Variants in FGGY observed in about 807,000 individuals in gnomAD.
FGGY encodes the protein FGGY carbohydrate kinase domain containing.
A neutral mutation model predicts 71.3 loss-of-function variants in FGGY; 72 were observed. That is an observed-to-expected ratio of 1.01 (90% CI 0.84 to 1.23). The LOEUF is 1.23. Among genes scored for constraint, FGGY ranks in the 50% most tolerant of loss-of-function variants. The pLI is 0.00. For synonymous variants in FGGY, 251 were observed against 250.3 expected, an observed-to-expected ratio of 1.00 and a Z score of -0.02; for missense variants, 668 against 682.3, an observed-to-expected ratio of 0.98 and a Z score of 0.23.
At chr1:59,510,625 TA>T (rs1407070606) in intron 6 of FGGY, among the ~76,000 whole-genome samples, 2 of 152,256 alleles carry the variant, frequency 1.3e-5, no homozygotes, top group African/African-American at 4.8e-5. Context: ...TATGTAATCT[TA>T]AATTTTTTAG....
chr1:59,460,578 G>A (rs113333098), intron 6 of FGGY, among the ~76,000 whole-genome samples: 15 of 152,310 alleles, frequency 9.8e-5, no homozygotes, highest in African/African-American at 3.6e-4. Flanking sequence ...TTTGAGCTCT[G>A]AGAACTGGAC....
intron 8 of FGGY, among the ~76,000 whole-genome samples, chr1:59,567,515 A>T (rs565340009): frequency 7.6e-4 from 115 of 152,220 alleles, no homozygotes; most frequent in African/African-American, 2.7e-3. Flanking sequence ...GTACTATTTG[A>T]CATACAGCAG....
intron 14 of FGGY, among the ~76,000 whole-genome samples, chr1:59,685,294 T>G (rs1348964287): frequency 6.6e-6 from 1 of 151,864 alleles, no homozygotes; most frequent in Non-Finnish European, 1.5e-5. Flanking sequence ...CTTTGACAGG[T>G]GGGGCAGGTA....
At chr1:59,375,065 T>A (rs1464788591) in intron 4 of FGGY, among the ~76,000 whole-genome samples, 2 of 140,978 alleles carry the variant, frequency 1.4e-5, no homozygotes, top group Non-Finnish European at 3.0e-5. Context: ...TAAAGTATAA[T>A]AATAATAAAA....
Position 59,714,453 on chromosome 1 carries a change from C to A in FGGY, c.1512+40320C>A, listed in dbSNP as rs181899287. Among the ~76,000 whole-genome samples, 116 of 152,246 alleles carry A rather than the reference C, an allele frequency of 7.6e-4. No individual in the cohort carries two copies. In the East Asian group the frequency reaches 0.019, roughly 25 times the overall value. On this transcript the variant is annotated intron_variant, in intron 14 of 15. Coordinates refer to ENST00000303721, the MANE Select transcript of FGGY (RefSeq NM_018291.5). ...AGTTGAAGGCCAAGCTAGTTTCTTT[C>A]CTTTGATGAGGGAAAATATGTCAAC... is the stretch of plus-strand genomic sequence containing the variant.
intron 1 of FGGY, among the ~76,000 whole-genome samples, chr1:59,315,020 G>T (rs835399): frequency 0.4 from 61,512 of 151,930 alleles, 12,961 homozygotes; most frequent in African/African-American, 0.51. Flanking sequence ...GGGTTCCACA[G>T]GTGAACTTCT....
At chr1:59,331,151 C>T (rs967037473) in intron 2 of FGGY, among the ~76,000 whole-genome samples, 40 of 152,030 alleles carry the variant, frequency 2.6e-4, no homozygotes, top group Middle Eastern at 3.4e-3. Flanking sequence ...GGAAGGCAGG[C>T]GTAACTGGAC....
chr1:59,729,058 T>C (rs534790899), intron 14 of FGGY, among the ~76,000 whole-genome samples: 8 of 152,188 alleles, frequency 5.3e-5, no homozygotes, highest in African/African-American at 1.4e-4. Context: ...TCCTGGGTGT[T>C]TCCCTCCATT....
At chr1:59,537,528 C>T (rs559851814) in intron 7 of FGGY, among the ~76,000 whole-genome samples, 193 of 152,114 alleles carry the variant, frequency 1.3e-3, no homozygotes, top group Non-Finnish European at 2.4e-3. Flanking sequence ...AAAAAGAGCC[C>T]GCATCACCAA....
At chr1:59,736,044 G>A in intron 14 of FGGY, among the ~76,000 whole-genome samples, 1 of 152,110 alleles carries the variant, frequency 6.6e-6, no homozygotes. Context: ...CTGTTCTCAT[G>A]ATAGCTGATA....
intron 11 of FGGY, among the ~76,000 whole-genome samples, chr1:59,653,646 A>G (rs924500161): frequency 2.6e-5 from 4 of 152,156 alleles, no homozygotes; most frequent in Non-Finnish European, 5.9e-5. Context: ...GCCTGCGCCC[A>G]CTGTCTGGGA....
At chr1:59,717,865 A>G (rs1160949200) in intron 14 of FGGY, among the ~76,000 whole-genome samples, 1 of 152,220 alleles carries the variant, frequency 6.6e-6, no homozygotes, top group Non-Finnish European at 1.5e-5. Context: ...TTTCTCTTCT[A>G]ATCGCTTAAC....
chr1:59,613,488 C>T (rs1320868461), intron 9 of FGGY, among the ~76,000 whole-genome samples: 2 of 152,018 alleles, frequency 1.3e-5, no homozygotes, highest in East Asian at 3.9e-4. Context: ...TCTGGGACAC[C>T]TTCAAAGTAG....
chr1:59,480,128 A>G (rs2093416768), intron 6 of FGGY, among the ~76,000 whole-genome samples: 1 of 152,166 alleles, frequency 6.6e-6, no homozygotes, highest in Non-Finnish European at 1.5e-5. Context: ...TTTTCAGTCC[A>G]TCCTGAACAC....
intron 7 of FGGY, among the ~76,000 whole-genome samples, chr1:59,547,504 C>T (rs1037026823): frequency 2.6e-5 from 4 of 152,098 alleles, no homozygotes; most frequent in African/African-American, 9.7e-5. Flanking sequence ...ACCCCGAGGT[C>T]CCCCACAATT....
At chr1:59,555,793 A>G (rs1402147922) in intron 8 of FGGY, among the ~76,000 whole-genome samples, 2 of 152,174 alleles carry the variant, frequency 1.3e-5, no homozygotes, top group African/African-American at 4.8e-5. Context: ...TGAGGTCAAG[A>G]GTTCAAGACC....
chr1:59,447,025 G>A (rs148210043), intron 5 of FGGY, among the ~76,000 whole-genome samples: 2 of 152,262 alleles, frequency 1.3e-5, no homozygotes, highest in East Asian at 3.9e-4. Flanking sequence ...TTGTGCTGAG[G>A]CTACTTCATG....
chr1:59,681,559 G>A (rs2097498970), intron 14 of FGGY, among the ~76,000 whole-genome samples: 1 of 152,196 alleles, frequency 6.6e-6, no homozygotes, highest in Non-Finnish European at 1.5e-5. Flanking sequence ...AGACGTGCCT[G>A]TAAGTAATTA....
chr1:59,381,284 C>T lies in FGGY; in HGVS notation c.554+2447C>T, dbSNP rs61788354. On this transcript the variant is annotated intron_variant, in intron 5 of 15. Transcript: ENST00000303721. Reference sequence around the variant, plus strand: ...TGTCTTGGCAATGTGGGCTCGTTTTCGGTTCCATGTGAACTTTAAAGTAGT... The same window carrying T: ...TGTCTTGGCAATGTGGGCTCGTTTTTGGTTCCATGTGAACTTTAAAGTAGT... Among the ~76,000 whole-genome samples, 659 of 152,212 alleles carry T rather than the reference C, an allele frequency of 4.3e-3. 4 individuals are homozygous for T. Among genetic ancestry groups the T allele is most frequent in the Admixed American group, 0.011 (169 of 15,274 alleles).
Sources: allele counts gnomAD v4.1 joint callset (sites outside exome capture counted in the v4.1 genomes callset), GRCh38; gene constraint gnomAD v4.1.1; transcripts MANE v1.5; gene names NCBI Gene and HGNC (gene_info 2026-07-23, HGNC 2026-07-21).